TWSG1: variants seen among roughly 807,000 people sequenced by gnomAD.
TWSG1 encodes twisted gastrulation BMP signaling modulator 1, also known as twisted gastrulation protein homolog 1.
A neutral mutation model predicts 23.0 loss-of-function variants in TWSG1; 15 were observed. That is an observed-to-expected ratio of 0.65 (90% CI 0.44 to 1.00). The LOEUF (loss-of-function observed/expected upper bound fraction) is 1.00. TWSG1 is among the 50% of genes least tolerant of loss of function. The pLI, the probability that TWSG1 is intolerant of heterozygous loss-of-function variation, is 0.00. For missense variants in TWSG1, 242 were observed against 278.7 expected, an observed-to-expected ratio of 0.87 and a Z score of 0.94; for synonymous variants, 86 against 92.8, an observed-to-expected ratio of 0.93 and a Z score of 0.42.
chr18:9,379,525 G>A (rs567981099), intron 3 of TWSG1, among the ~76,000 whole-genome samples: 2 of 152,072 alleles, frequency 1.3e-5, no homozygotes, highest in Non-Finnish European at 2.9e-5. Flanking sequence ...GGTGGAGGAC[G>A]GGAGGAGGGA....
At chr18:9,399,106 C>G (rs2040751021) in intron 4 of TWSG1, among the ~76,000 whole-genome samples, 1 of 152,124 alleles carries the variant, frequency 6.6e-6, no homozygotes, top group South Asian at 2.1e-4. Flanking sequence ...AGCCTGAAAT[C>G]TAATAAAAGA....
chr18:9,379,294 GAA>G (rs753049983), intron 3 of TWSG1, among the ~76,000 whole-genome samples: 6 of 152,192 alleles, frequency 3.9e-5, no homozygotes, highest in Non-Finnish European at 7.3e-5. Flanking sequence ...ACTGGATGAA[GAA>G]AGAGTGGTAC....
rs1270181183 is a variant in TWSG1, at chr18:9,399,453, T to C, written c.598T>C (p.Cys200Arg). 1.2e-6 allele frequency: 2 copies of C among 1,613,990 alleles called. No homozygotes were observed. Among genetic ancestry groups the C allele is most frequent in the African/African-American group, 1.3e-5 (1 of 74,944 alleles). The change falls in exon 5 of 5, where the codon TGC becomes CGC. Residue 200 changes from cysteine to arginine, a missense_variant. Coordinates refer to ENST00000262120, the MANE Select transcript of TWSG1 (RefSeq NM_020648.6). ...ASKYRWFHNA[C>R]CECIGPECID... ...CAAATATCGCTGGTTTCATAATGCC[T>C]GCTGCGAGTGCATTGGTCCAGAATG... is the stretch of plus-strand genomic sequence containing the variant.
chr18:9,377,057 C>T (rs182888372), intron 3 of TWSG1, among the ~76,000 whole-genome samples: 1 of 152,142 alleles, frequency 6.6e-6, no homozygotes, highest in East Asian at 1.9e-4. Flanking sequence ...AACTATACCA[C>T]TTTATATAAG....
At chr18:9,377,221 CT>C (rs1404136777) in intron 3 of TWSG1, among the ~76,000 whole-genome samples, 148 of 145,038 alleles carry the variant, frequency 1.0e-3, no homozygotes, top group Non-Finnish European at 9.3e-4. Flanking sequence ...TTTTCTTTTT[CT>C]TTTTTTTTTT....
intron 2 of TWSG1, among the ~76,000 whole-genome samples, chr18:9,358,135 G>C (rs1345894902): frequency 1.3e-5 from 2 of 152,110 alleles, no homozygotes; most frequent in Admixed American, 6.5e-5. Context: ...CAAAGGACTA[G>C]AGCCAAGAAC....
chr18:9,399,355 G>A lies in TWSG1; in HGVS notation c.500G>A (p.Cys167Tyr), dbSNP rs2040752411. 1 of 1,604,040 alleles carries A rather than the reference G, an allele frequency of 6.2e-7. No individual in the cohort carries two copies. Among genetic ancestry groups the A allele is most frequent in the Non-Finnish European group, 8.5e-7 (1 of 1,177,348 alleles). Residue 167 changes from cysteine to tyrosine, a missense_variant, in exon 5 of 5, where the codon TGT becomes TAT. By Grantham distance (194) the Cys-to-Tyr change is radical. Transcript: ENST00000262120. ...APYSSDKEHMCTVVYFDDCMS... is the reference protein window; with the variant it reads ...APYSSDKEHMYTVVYFDDCMS... ...AATTTTTGTTTTTCAGAACACATGT[G>A]TACTGTGGTTTATTTTGATGACTGC...
chr18:9,393,945 C>T (rs12052039), intron 3 of TWSG1, among the ~76,000 whole-genome samples: 72,721 of 151,940 alleles, frequency 0.48, 18,312 homozygotes, highest in East Asian at 0.71. Context: ...TATATTTTCC[C>T]TCACCCAGAT....
At chr18:9,337,501 C>G (rs1286000432) in intron 2 of TWSG1, 149 bp downstream of exon 2, 1 of 816,446 alleles carries the variant, frequency 1.2e-6, no homozygotes, top group African/African-American at 1.7e-5. Flanking sequence ...ACACACAGGT[C>G]TGGATTTTTA....
chr18:9,388,731 T>G (rs1390157526), intron 3 of TWSG1, among the ~76,000 whole-genome samples: 1 of 152,240 alleles, frequency 6.6e-6, no homozygotes, highest in Non-Finnish European at 1.5e-5. Context: ...TTTATTTGTT[T>G]GTTTTTTAGA....
chr18:9,347,701 G>C (rs1283357398), intron 2 of TWSG1, among the ~76,000 whole-genome samples: 1 of 151,604 alleles, frequency 6.6e-6, no homozygotes, highest in Non-Finnish European at 1.5e-5. Context: ...TCTATATTCT[G>C]GGAAATTTCC....
chr18:9,395,379 A>G (rs1436701472), intron 3 of TWSG1, among the ~76,000 whole-genome samples: 1 of 152,216 alleles, frequency 6.6e-6, no homozygotes, highest in Admixed American at 6.5e-5. Context: ...CTTATCTAAC[A>G]GTCACTCATC....
At chr18:9,368,287 C>T (rs1239922468) in intron 3 of TWSG1, among the ~76,000 whole-genome samples, 4 of 152,072 alleles carry the variant, frequency 2.6e-5, no homozygotes, top group Non-Finnish European at 5.9e-5. Flanking sequence ...CTGCAACCTC[C>T]GCCTCCTGGA....
At chr18:9,389,804 T>C (rs1170906643) in intron 3 of TWSG1, among the ~76,000 whole-genome samples, 1 of 152,242 alleles carries the variant, frequency 6.6e-6, no homozygotes, top group Non-Finnish European at 1.5e-5. Context: ...TGAAACATAA[T>C]TTAGCTTTCA....
intron 3 of TWSG1, among the ~76,000 whole-genome samples, chr18:9,385,080 TGTGGGTGTGAGAAATGAATTTGAAAATA>T (rs1429969001): frequency 1.3e-5 from 2 of 151,776 alleles, no homozygotes; most frequent in African/African-American, 4.8e-5. Flanking sequence ...CTTTATGGAG[TGTGGGTGTGAGAAATGAATTTGAAAATA>T]GCGAGATTAT....
At chr18:9,347,125 G>T (rs10853376) in intron 2 of TWSG1, among the ~76,000 whole-genome samples, 101,315 of 152,084 alleles carry the variant, frequency 0.67, 34,217 homozygotes, top group Middle Eastern at 0.75. Context: ...ATACCTTTTT[G>T]GGTGAGGTGT....
chr18:9,391,213 G>T (rs1460717853), intron 3 of TWSG1, among the ~76,000 whole-genome samples: 1 of 152,172 alleles, frequency 6.6e-6, no homozygotes, highest in Non-Finnish European at 1.5e-5. Flanking sequence ...GTTTTATAAT[G>T]AGATTGCAAT....
chr18:9,366,207 C>T (rs2040578033), intron 3 of TWSG1, among the ~76,000 whole-genome samples: 1 of 152,196 alleles, frequency 6.6e-6, no homozygotes, highest in South Asian at 2.1e-4. Flanking sequence ...TTGGAAGCAT[C>T]ATAAGCTCCA....
At chr18:9,374,958 G>A (rs1213599199) in intron 3 of TWSG1, among the ~76,000 whole-genome samples, 2 of 152,124 alleles carry the variant, frequency 1.3e-5, no homozygotes, top group Non-Finnish European at 2.9e-5. Flanking sequence ...ACGAGGTCAG[G>A]AGATTGAGAA....
Sources: allele counts gnomAD v4.1 joint callset (sites outside exome capture counted in the v4.1 genomes callset), GRCh38; gene constraint gnomAD v4.1.1; transcripts MANE v1.5; gene names NCBI Gene and HGNC (gene_info 2026-07-23, HGNC 2026-07-21).